Variants in PAPPA2 observed in about 807,000 individuals in gnomAD.
PAPPA2 encodes the protein pappalysin 2.
A neutral mutation model predicts 176.4 loss-of-function variants in PAPPA2; 86 were observed. That is an observed-to-expected ratio of 0.49 (90% CI 0.41 to 0.58). PAPPA2 has a LOEUF of 0.58. Ranked by LOEUF, PAPPA2 falls within the 20% of genes least tolerant of loss-of-function variation. PAPPA2 has a pLI of 0.00. For synonymous variants in PAPPA2, 809 were observed against 852.2 expected (o/e 0.95, Z 0.88); for missense variants, 2,073 against 2,256.9 (o/e 0.92, Z 1.65).
intron 12 of PAPPA2, among the ~76,000 whole-genome samples, chr1:176,729,738 A>C (rs1195477230): frequency 2.0e-5 from 3 of 152,102 alleles, no homozygotes; most frequent in Non-Finnish European, 2.9e-5. Context: ...CACACACACA[A>C]AATTCAAGAA....
chr1:176,494,700 T>C (rs1428349449), intron 1 of PAPPA2, among the ~76,000 whole-genome samples: 1 of 152,188 alleles, frequency 6.6e-6, no homozygotes, highest in Non-Finnish European at 1.5e-5. Flanking sequence ...CACCCGGCCT[T>C]CTGATAACAC....
rs141778376 is a variant in PAPPA2 at position 176,644,868 on chromosome 1, A to G, written c.1992-26102A>G. Among the ~76,000 whole-genome samples, 501 of 151,946 alleles carry G rather than the reference A, an allele frequency of 3.3e-3. 4 individuals are homozygous for G. The highest frequency in any genetic ancestry group is 0.012 in the African/African-American group (486 of 41,526). On this transcript the variant is annotated intron_variant, in intron 3 of 22. Transcript: ENST00000367662. Reference sequence around the variant, plus strand: ...CAGGAAAATAAAGCATTCTAGGCAGAAGAAATATGCATGCAATTTTATGGA... The same window carrying G: ...CAGGAAAATAAAGCATTCTAGGCAGGAGAAATATGCATGCAATTTTATGGA...
intron 12 of PAPPA2, among the ~76,000 whole-genome samples, chr1:176,721,316 C>A (rs114578639): frequency 2.4e-3 from 358 of 152,290 alleles, no homozygotes; most frequent in African/African-American, 8.1e-3. Context: ...GCATTTATTG[C>A]TCTCTGCATT....
intron 2 of PAPPA2, among the ~76,000 whole-genome samples, chr1:176,576,880 T>C (rs1317412844): frequency 2.0e-5 from 3 of 152,130 alleles, no homozygotes; most frequent in Non-Finnish European, 4.4e-5. Context: ...GCTGCTGATT[T>C]TAGATAGTGT....
Position 176,844,838 on chromosome 1 carries a change from T to G in PAPPA2, c.*2384T>G, listed in dbSNP as rs556544050. ...ATGGAGCCTGTGGTTCATGCCAGTG[T>G]GTGTCTTCATGCAGTCTCTCCACAA... On this transcript the variant is annotated 3_prime_UTR_variant, in exon 23 of 23. Transcript: ENST00000367662. 2.0e-5 allele frequency: 3 copies of G among 152,308 alleles called. No individual in the cohort carries two copies. In the East Asian group the frequency reaches 5.8e-4, roughly 29 times the overall value. The allele number at this position is 152,308 out of a possible 1,614,324, so 9.4% of individuals were successfully genotyped here.
intron 1 of PAPPA2, among the ~76,000 whole-genome samples, chr1:176,493,497 C>T (rs548405853): frequency 6.6e-6 from 1 of 152,288 alleles, no homozygotes; most frequent in Non-Finnish European, 1.5e-5. Context: ...TACCAATCTC[C>T]TGAACAAAAC....
At chr1:176,731,052 A>G (rs1662116329) in intron 12 of PAPPA2, among the ~76,000 whole-genome samples, 1 of 152,070 alleles carries the variant, frequency 6.6e-6, no homozygotes, top group Admixed American at 6.6e-5. Context: ...TGTGCCCAGT[A>G]TCATTCACTG....
chr1:176,812,320 A>C (rs977681533), intron 21 of PAPPA2, among the ~76,000 whole-genome samples: 3 of 151,992 alleles, frequency 2.0e-5, no homozygotes, highest in African/African-American at 7.3e-5. Context: ...CCATCACAGA[A>C]ATGCTACCAT....
At chr1:176,627,743 C>T (rs1198091457) in intron 3 of PAPPA2, among the ~76,000 whole-genome samples, 1 of 152,050 alleles carries the variant, frequency 6.6e-6, no homozygotes, top group African/African-American at 2.4e-5. Context: ...ATCTAGTTCA[C>T]GATAGGAAGG....
At chr1:176,496,253 A>G (rs1647614158) in intron 1 of PAPPA2, among the ~76,000 whole-genome samples, 1 of 152,210 alleles carries the variant, frequency 6.6e-6, no homozygotes, top group Non-Finnish European at 1.5e-5. Flanking sequence ...TAATATGGGT[A>G]GTAGCCATTT....
At chr1:176,466,216 A>G (rs1228531198) in intron 1 of PAPPA2, among the ~76,000 whole-genome samples, 3 of 152,212 alleles carry the variant, frequency 2.0e-5, no homozygotes, top group Non-Finnish European at 4.4e-5. Flanking sequence ...TGCAAAGAAA[A>G]TGAAATTCCT....
intron 7 of PAPPA2, 108 bp downstream of exon 7, chr1:176,695,967 TG>T: frequency 1.1e-4 from 8 of 74,724 alleles, no homozygotes; most frequent in East Asian, 2.3e-4. Context: ...TGTATGTGTA[TG>T]TGTGTGTGTG....
At chr1:176,503,308 T>G (rs1201193463) in intron 1 of PAPPA2, among the ~76,000 whole-genome samples, 1 of 152,188 alleles carries the variant, frequency 6.6e-6, no homozygotes, top group Non-Finnish European at 1.5e-5. Flanking sequence ...AGAGAACCCT[T>G]TGATTACAGT....
chr1:176,503,911 A>T (rs927928069), intron 1 of PAPPA2, among the ~76,000 whole-genome samples: 1 of 152,214 alleles, frequency 6.6e-6, no homozygotes, highest in South Asian at 2.1e-4. Context: ...TATTTCTTCT[A>T]CAAGTGTATC....
intron 21 of PAPPA2, among the ~76,000 whole-genome samples, chr1:176,813,020 T>C (rs1013242792): frequency 6.6e-6 from 1 of 152,152 alleles, no homozygotes; most frequent in Non-Finnish European, 1.5e-5. Flanking sequence ...CAGCTCCCAC[T>C]TATAAATGAG....
At chr1:176,703,928 T>C (rs990152706) in intron 9 of PAPPA2, among the ~76,000 whole-genome samples, 4 of 152,180 alleles carry the variant, frequency 2.6e-5, no homozygotes, top group African/African-American at 9.6e-5. Context: ...GACACTGTTG[T>C]TGTTTTCTCT....
At chr1:176,833,206 C>A (rs888630681) in intron 21 of PAPPA2, among the ~76,000 whole-genome samples, 2 of 152,212 alleles carry the variant, frequency 1.3e-5, no homozygotes, top group African/African-American at 4.8e-5. Flanking sequence ...GCCGAAAACA[C>A]AGAAGATCCT....
chr1:176,471,798 T>C (rs1388765659), intron 1 of PAPPA2, among the ~76,000 whole-genome samples: 1 of 152,198 alleles, frequency 6.6e-6, no homozygotes, highest in Non-Finnish European at 1.5e-5. Context: ...GTACAATGTA[T>C]TTGTTACTCG....
At chr1:176,737,310 T>C (rs1485971636) in intron 12 of PAPPA2, among the ~76,000 whole-genome samples, 1 of 152,042 alleles carries the variant, frequency 6.6e-6, no homozygotes, top group Non-Finnish European at 1.5e-5. Context: ...TGGCTTACTC[T>C]CTCTCTCTAG....
Sources: gnomAD v4.1 joint callset for allele counts (sites outside exome capture counted in the v4.1 genomes callset) on GRCh38, gnomAD v4.1.1 for gene constraint, MANE v1.5 for transcripts, NCBI Gene and HGNC (gene_info 2026-07-23, HGNC 2026-07-21) for gene names.